The following NTM variants were observed in gnomAD, a reference collection of about 807,000 sequenced individuals.
The protein encoded by NTM is neurotrimin, also known as IgLON family member 2.
A neutral mutation model predicts 42.1 loss-of-function variants in NTM; 13 were observed. That is an observed-to-expected ratio of 0.31 (90% confidence interval 0.20 to 0.49). NTM has a LOEUF of 0.49. Among genes scored for constraint, NTM ranks in the 20% least tolerant of loss-of-function variants. NTM has a pLI of 0.99. For missense variants in NTM, 373 were observed against 452.8 expected (o/e 0.82, Z 1.60); for synonymous variants, 187 against 179.2 (o/e 1.04, Z -0.35).
intron 1 of NTM, among the ~76,000 whole-genome samples, chr11:131,819,350 C>G (rs1444843267): frequency 6.6e-6 from 1 of 152,118 alleles, no homozygotes; most frequent in African/African-American, 2.4e-5. Flanking sequence ...GTCTGGACAT[C>G]TACATTTTTA....
intron 1 of NTM, among the ~76,000 whole-genome samples, chr11:131,775,155 A>G (rs1200718684): frequency 3.3e-5 from 5 of 152,248 alleles, no homozygotes; most frequent in Non-Finnish European, 5.9e-5. Context: ...TTTACAAAAC[A>G]GTCACCTGAG....
chr11:131,521,533 C>T (rs1188010563), intron 1 of NTM, among the ~76,000 whole-genome samples: 8 of 150,648 alleles, frequency 5.3e-5, no homozygotes, highest in East Asian at 2.0e-4. Flanking sequence ...CTCAGCCTCC[C>T]GAGTAGCTGG....
chr11:131,485,137 G>T (rs75218066), intron 1 of NTM, among the ~76,000 whole-genome samples: 2,074 of 152,292 alleles, frequency 0.014, 58 homozygotes, highest in African/African-American at 0.047. Context: ...GTTGGTACCA[G>T]AGCCTTCCCC....
intron 1 of NTM, among the ~76,000 whole-genome samples, chr11:131,724,399 C>G (rs1308170382): frequency 2.0e-5 from 3 of 152,154 alleles, no homozygotes; most frequent in Non-Finnish European, 4.4e-5. Flanking sequence ...TTTGAGAAGA[C>G]AACTCAAGCG....
intron 1 of NTM, among the ~76,000 whole-genome samples, chr11:131,555,272 A>G (rs1386364397): frequency 2.0e-5 from 3 of 152,246 alleles, no homozygotes; most frequent in African/African-American, 7.2e-5. Flanking sequence ...CTGTGGCAAG[A>G]TATATTTATA....
At chr11:132,313,418 A>G (rs150866137) in intron 6 of NTM, among the ~76,000 whole-genome samples, 17 of 152,252 alleles carry the variant, frequency 1.1e-4, no homozygotes, top group African/African-American at 4.1e-4. Context: ...GGCCCTAAAC[A>G]GGAAACTTAG....
At chr11:131,686,682 C>G (rs138537950) in intron 1 of NTM, among the ~76,000 whole-genome samples, 1 of 152,192 alleles carries the variant, frequency 6.6e-6, no homozygotes, top group Non-Finnish European at 1.5e-5. Flanking sequence ...AAGGGTCAAC[C>G]GCATCTGGTT....
At chr11:131,421,852 G>C (rs190068468) in intron 1 of NTM, among the ~76,000 whole-genome samples, 2 of 152,134 alleles carry the variant, frequency 1.3e-5, no homozygotes, top group South Asian at 2.1e-4. Flanking sequence ...CCTTTTCCTC[G>C]TAACTTTGTT....
At chr11:131,619,561 T>G (rs1038170255) in intron 1 of NTM, among the ~76,000 whole-genome samples, 6 of 152,046 alleles carry the variant, frequency 3.9e-5, no homozygotes, top group Admixed American at 3.9e-4. Context: ...AAACCATAGT[T>G]TATCAGACTA....
chr11:131,524,053 G>C (rs1022284), intron 1 of NTM, among the ~76,000 whole-genome samples: 26,322 of 152,156 alleles, frequency 0.17, 2,327 homozygotes, highest in Middle Eastern at 0.23. Flanking sequence ...TGTTGTGTAA[G>C]AAACCATCCT....
At chr11:132,043,639 A>G (rs547677014) in intron 2 of NTM, among the ~76,000 whole-genome samples, 30 of 152,328 alleles carry the variant, frequency 2.0e-4, no homozygotes, top group Admixed American at 1.3e-3. Context: ...GCTCTTGGCC[A>G]CTGCTTCTGG....
chr11:131,760,500 T>C (rs920720070), intron 1 of NTM, among the ~76,000 whole-genome samples: 10 of 152,206 alleles, frequency 6.6e-5, no homozygotes, highest in Admixed American at 5.2e-4. Flanking sequence ...TGGGTGGTTT[T>C]TTATCTTCAC....
intron 1 of NTM, among the ~76,000 whole-genome samples, chr11:131,402,283 A>T (rs1945329239): frequency 6.6e-6 from 1 of 152,130 alleles, no homozygotes; most frequent in Non-Finnish European, 1.5e-5. Context: ...TATAATACTC[A>T]GTTCCTTACA....
chr11:132,319,058 C>T (rs2095500325), intron 7 of NTM, among the ~76,000 whole-genome samples: 2 of 152,184 alleles, frequency 1.3e-5, no homozygotes, highest in Non-Finnish European at 2.9e-5. Flanking sequence ...ACCTATGATT[C>T]AACTTACGTT....
At position 131,543,645 on chromosome 11, in the gene NTM, G is replaced by A. The variant is rs75820423; in HGVS notation, c.82+172757G>A. Reference sequence around the variant, plus strand: ...GCAGCTCCCACATGAGCTGGGGAGAGGCTCTGCTTCCCTCTACTCCAGCAC... The same window carrying A: ...GCAGCTCCCACATGAGCTGGGGAGAAGCTCTGCTTCCCTCTACTCCAGCAC... On this transcript the variant is annotated intron_variant, in intron 1 of 8. Coordinates refer to ENST00000683400, the MANE Select transcript of NTM (RefSeq NM_001352005.2). Among the ~76,000 whole-genome samples, 59 of 152,286 alleles carry A rather than the reference G, an allele frequency of 3.9e-4. 1 individual carries two copies. The East Asian group carries it at 0.011, about 29-fold the overall frequency.
In NTM at chr11:131,418,688, C is replaced by T. The variant is rs557393945; in HGVS notation, c.82+47800C>T. Among the ~76,000 whole-genome samples, 32 of 152,290 alleles carry T rather than the reference C, an allele frequency of 2.1e-4. No individual in the cohort carries two copies. In the South Asian group the frequency reaches 2.9e-3, roughly 14 times the overall value. On this transcript the variant is annotated intron_variant, in intron 1 of 8. Transcript: ENST00000683400. ...CTCTGTGCAAAGCCAACTACTTCTACCCTGGTAGGAGTCACTGGAGAGGTT... is the reference window on the plus strand; with the variant it reads ...CTCTGTGCAAAGCCAACTACTTCTATCCTGGTAGGAGTCACTGGAGAGGTT...
intron 1 of NTM, among the ~76,000 whole-genome samples, chr11:131,657,406 A>G (rs1385580885): frequency 6.6e-6 from 1 of 152,236 alleles, no homozygotes; most frequent in Non-Finnish European, 1.5e-5. Context: ...CAGAGGGTGG[A>G]CCAGTGTTTT....
intron 1 of NTM, among the ~76,000 whole-genome samples, chr11:131,372,910 C>G (rs760736530): frequency 6.6e-6 from 1 of 152,140 alleles, no homozygotes; most frequent in East Asian, 1.9e-4. Flanking sequence ...TGCCATCTGA[C>G]TTTGTGGTCT....
chr11:131,727,572 A>C (rs2079114094), intron 1 of NTM, among the ~76,000 whole-genome samples: 1 of 152,012 alleles, frequency 6.6e-6, no homozygotes, highest in Non-Finnish European at 1.5e-5. Flanking sequence ...GTAAGAAAAA[A>C]CCCATTTAAG....
Sources: allele counts gnomAD v4.1 joint callset (sites outside exome capture counted in the v4.1 genomes callset), GRCh38; gene constraint gnomAD v4.1.1; transcripts MANE v1.5; gene names NCBI Gene and HGNC (gene_info 2026-07-23, HGNC 2026-07-21).